The following TAX1BP1 variants were observed in gnomAD, a reference collection of about 807,000 sequenced individuals.
TAX1BP1 encodes the protein Tax1 binding protein 1.
In TAX1BP1, 62 loss-of-function variants were observed where a neutral mutation model predicts 97.7. The ratio of observed to expected loss-of-function variants is 0.63; its 90% confidence interval spans 0.52 to 0.78. The LOEUF (loss-of-function observed/expected upper bound fraction) is 0.78, where lower values mean the gene tolerates loss of function less well. TAX1BP1 is among the 30% of genes least tolerant of loss of function. The pLI, the probability that TAX1BP1 is intolerant of heterozygous loss-of-function variation, is 0.00. For missense variants in TAX1BP1, 867 were observed against 916.1 expected (o/e 0.95, Z 0.69); for synonymous variants, 340 against 304.2 (o/e 1.12, Z -1.23).
At chr7:27,776,467 G>T in intron 5 of TAX1BP1, among the ~76,000 whole-genome samples, 1 of 151,888 alleles carries the variant, frequency 6.6e-6, no homozygotes, top group East Asian at 1.9e-4. Context: ...TTAGAAATGT[G>T]GTTCTTCTCA....
In TAX1BP1 at chr7:27,804,436, G is replaced by A. The variant is rs1042943650; in HGVS notation, c.1764+4346G>A. On this transcript the variant is annotated intron_variant, in intron 13 of 16. Transcript: ENST00000396319. ...GTCTGTGTGGTATTGTTCCAGCAACGATTTTCTGATGCCAAAACTGGTATT... is the reference window on the plus strand; with the variant it reads ...GTCTGTGTGGTATTGTTCCAGCAACAATTTTCTGATGCCAAAACTGGTATT... Among the ~76,000 whole-genome samples, 8 of 152,104 alleles carry A rather than the reference G, an allele frequency of 5.3e-5. No homozygotes were observed. The East Asian group carries it at 1.5e-3, about 29-fold the overall frequency.
chr7:27,806,739 AG>A (rs1221692184), intron 13 of TAX1BP1, among the ~76,000 whole-genome samples: 1 of 152,118 alleles, frequency 6.6e-6, no homozygotes, highest in African/African-American at 2.4e-5. Flanking sequence ...TTTCTCTTGA[AG>A]GGTTAGTTTT....
chr7:27,772,963 T>C (rs1788901995), intron 5 of TAX1BP1, among the ~76,000 whole-genome samples: 1 of 152,096 alleles, frequency 6.6e-6, no homozygotes, highest in Admixed American at 6.6e-5. Flanking sequence ...TTCCATTCCT[T>C]TCTGGTTCAA....
rs143792861 is a variant in TAX1BP1, at chr7:27,814,201, A to T, written c.1765-2148A>T. Among the ~76,000 whole-genome samples the T allele has an allele frequency of 1.2e-3, 185 of 150,522 alleles. 2 individuals carry two copies. Among genetic ancestry groups the T allele is most frequent in the African/African-American group, 4.3e-3 (174 of 40,814 alleles). ...GCCAGTCTTGAATTACTACAGTAGC[A>T]TCTCTGGGGTTTTCAGTCTTGGCAA... On this transcript the variant is annotated intron_variant, in intron 13 of 16. Transcript: ENST00000396319.
chr7:27,814,262 C>G (rs1297220418), intron 13 of TAX1BP1, among the ~76,000 whole-genome samples: 2 of 152,096 alleles, frequency 1.3e-5, no homozygotes, highest in East Asian at 1.9e-4. Context: ...CTTTCTTGTT[C>G]TAAATATATC....
chr7:27,792,696 T>C (rs1305806721), intron 9 of TAX1BP1, among the ~76,000 whole-genome samples: 2 of 152,144 alleles, frequency 1.3e-5, no homozygotes, highest in Non-Finnish European at 2.9e-5. Context: ...GGACAGTTGC[T>C]CACACCTATA....
chr7:27,745,097 A>G (rs995693332), intron 1 of TAX1BP1, among the ~76,000 whole-genome samples: 8 of 152,168 alleles, frequency 5.3e-5, no homozygotes, highest in Non-Finnish European at 1.2e-4. Context: ...CCTACTTACT[A>G]TACTCCTGTT....
intron 16 of TAX1BP1, among the ~76,000 whole-genome samples, chr7:27,828,056 C>T (rs930411757): frequency 6.6e-6 from 1 of 152,212 alleles, no homozygotes; most frequent in Non-Finnish European, 1.5e-5. Context: ...CCTAAAATGT[C>T]ATTCAAATGC....
intron 11 of TAX1BP1, 126 bp downstream of exon 11, chr7:27,794,572 G>A: frequency 9.8e-7 from 1 of 1,022,522 alleles, no homozygotes; most frequent in Non-Finnish European, 1.4e-6. Context: ...AAGGAATTGA[G>A]GCAACAAGAA....
chr7:27,779,392 A>G (rs1224120205), intron 5 of TAX1BP1, among the ~76,000 whole-genome samples: 2 of 152,198 alleles, frequency 1.3e-5, no homozygotes, highest in East Asian at 3.9e-4. Flanking sequence ...TTGCCCTTCA[A>G]ATTGGCTGTT....
At chr7:27,759,594 TA>T (rs987453401) in intron 3 of TAX1BP1, among the ~76,000 whole-genome samples, 42 of 147,806 alleles carry the variant, frequency 2.8e-4, no homozygotes, top group Middle Eastern at 3.5e-3. Context: ...CCTTTATGTT[TA>T]AAAAAAAAAA....
At chr7:27,742,537 A>G (rs529316108) in intron 1 of TAX1BP1, among the ~76,000 whole-genome samples, 19 of 152,330 alleles carry the variant, frequency 1.2e-4, no homozygotes, top group Admixed American at 1.2e-3. Flanking sequence ...AATTTTTCTT[A>G]GTACAGAACA....
intron 5 of TAX1BP1, among the ~76,000 whole-genome samples, chr7:27,779,329 G>A (rs6969000): frequency 0.041 from 6,287 of 152,068 alleles, 406 homozygotes; most frequent in African/African-American, 0.14. Context: ...ATATCTTGAG[G>A]CACTTTCTGA....
chr7:27,742,911 T>C (rs963738630), intron 1 of TAX1BP1, among the ~76,000 whole-genome samples: 24 of 152,350 alleles, frequency 1.6e-4, no homozygotes, highest in African/African-American at 4.8e-4. Flanking sequence ...AAAATAATCA[T>C]GAAAGATCCT....
rs1332992890 is a variant in TAX1BP1 at position 27,796,293 on chromosome 7, T to G, written c.1638+74T>G. On this transcript the variant is annotated intron_variant, in intron 12 of 16. Coordinates refer to ENST00000396319, the MANE Select transcript of TAX1BP1 (RefSeq NM_006024.7). ...CTTAGCTTACCTTTATTGTTTCAATTGATTGGTATCTTTGAGTTTCTTTTC... is the reference window on the plus strand; with the variant it reads ...CTTAGCTTACCTTTATTGTTTCAATGGATTGGTATCTTTGAGTTTCTTTTC... 3 of 1,211,778 alleles carry G rather than the reference T, an allele frequency of 2.5e-6. No individual in the cohort carries two copies. The Admixed American group carries it at 7.6e-5, about 31-fold the overall frequency. The allele number at this position is 1,211,778 out of a possible 1,614,324, so 75.1% of individuals were successfully genotyped here.
intron 5 of TAX1BP1, among the ~76,000 whole-genome samples, chr7:27,778,197 A>G (rs1405180602): frequency 6.6e-6 from 1 of 152,208 alleles, no homozygotes; most frequent in East Asian, 1.9e-4. Context: ...TGAAAAATGT[A>G]CACTGCAATG....
rs929967590 is a variant in TAX1BP1, at chr7:27,768,996, T to C, written c.454-680T>C. Among the ~76,000 whole-genome samples the C allele has an allele frequency of 2.0e-5, 3 of 152,020 alleles. No homozygotes were observed. The East Asian group carries it at 5.8e-4, about 29-fold the overall frequency. ...ACTTTGTTTTACTATCTTATGACCA[T>C]TTATTTAGTAATCTTTTAGAATATT... is the stretch of plus-strand genomic sequence containing the variant. On this transcript the variant is annotated intron_variant, in intron 4 of 16. Coordinates refer to ENST00000396319, the MANE Select transcript of TAX1BP1 (RefSeq NM_006024.7).
chr7:27,816,437 A>G lies in TAX1BP1; in HGVS notation c.1853A>G (p.Glu618Gly), dbSNP rs200733577. Reference protein sequence around the residue: ...QSPQCFKTCSEQNGYVLTLSN... With the variant: ...QSPQCFKTCSGQNGYVLTLSN... Reference sequence around the variant, plus strand: ...CCTCAATGTTTCAAAACATGCTCAGAGCAAAATGGTTATGTTCTCACATTG... The same window carrying G: ...CCTCAATGTTTCAAAACATGCTCAGGGCAAAATGGTTATGTTCTCACATTG... The change falls in exon 14 of 17, where the codon GAG becomes GGG. Residue 618 changes from glutamate to glycine, a missense_variant. This residue lies in a region of TAX1BP1 where 822 missense variants were observed against 851.4 expected (regional missense o/e 0.97). Coordinates refer to ENST00000396319, the MANE Select transcript of TAX1BP1 (RefSeq NM_006024.7). 60 of 1,572,644 alleles carry G rather than the reference A, an allele frequency of 3.8e-5. No individual in the cohort carries two copies. In the East Asian group the frequency reaches 1.4e-3, roughly 36 times the overall value.
chr7:27,783,505 A>G (rs1229034860), intron 5 of TAX1BP1, among the ~76,000 whole-genome samples: 1 of 152,234 alleles, frequency 6.6e-6, no homozygotes, highest in African/African-American at 2.4e-5. Context: ...GGCACCAGAG[A>G]AAGTCTAAGA....
Sources: allele counts gnomAD v4.1 joint callset (sites outside exome capture counted in the v4.1 genomes callset), GRCh38; gene constraint gnomAD v4.1.1; regional missense constraint gnomAD v4.1.1; transcripts MANE v1.5; gene names NCBI Gene and HGNC (gene_info 2026-07-23, HGNC 2026-07-21).